Variants in MSR1 observed in about 807,000 individuals in gnomAD.
MSR1 encodes the protein macrophage scavenger receptor 1.
A neutral mutation model predicts 47.2 loss-of-function variants in MSR1; 53 were observed. The ratio of observed to expected loss-of-function variants is 1.12; its 90% CI spans 0.90 to 1.41. The LOEUF is 1.41. MSR1 is among the 40% of genes most tolerant of loss of function. MSR1 has a pLI of 0.00. For missense variants in MSR1, 786 were observed against 546.9 expected, an observed-to-expected ratio of 1.44 and a Z score of -4.36; for synonymous variants, 239 against 185.6, an observed-to-expected ratio of 1.29 and a Z score of -2.34.
intron 8 of MSR1, among the ~76,000 whole-genome samples, chr8:16,141,316 C>A (rs1006258770): frequency 1.4e-4 from 22 of 152,196 alleles, no homozygotes; most frequent in Admixed American, 1.2e-3. Context: ...AGTATTCCCA[C>A]AAGATTACAT....
At position 16,189,453 on chromosome 8, in the gene MSR1, T is replaced by A. The variant is rs1208156871; in HGVS notation, c.-5+3145A>T. Among the ~76,000 whole-genome samples the A allele has an allele frequency of 3.9e-4, 19 of 49,236 alleles. 3 individuals carry two copies. Among genetic ancestry groups the A allele is most frequent in the Middle Eastern group, 0.019 (1 of 54 alleles). The allele number at this position is 49,236 out of a possible 152,430, so 32.3% of individuals were successfully genotyped here. On this transcript the variant is annotated intron_variant, in intron 1 of 9. Coordinates refer to ENST00000262101, the MANE Select transcript of MSR1 (RefSeq NM_138715.3). ...AATCATATTTTATATATATAAAATCTTATTTTATATATATTTTATATATTT... is the reference window on the plus strand; with the variant it reads ...AATCATATTTTATATATATAAAATCATATTTTATATATATTTTATATATTT...
At chr8:16,120,800 A>T in intron 8 of MSR1, 194 bp from the exon 9 acceptor site, 2 of 697,846 alleles carry the variant, frequency 2.9e-6, no homozygotes. Flanking sequence ...CAAATATTGC[A>T]GCTTTAACAG....
intron 8 of MSR1, among the ~76,000 whole-genome samples, chr8:16,123,856 C>A: frequency 6.6e-6 from 1 of 152,214 alleles, no homozygotes. Context: ...GACCCAAGAC[C>A]CGAATCTGCT....
intron 8 of MSR1, among the ~76,000 whole-genome samples, chr8:16,143,077 T>C (rs34638859): frequency 9.7e-4 from 147 of 152,282 alleles, no homozygotes; most frequent in African/African-American, 3.3e-3. Flanking sequence ...TATTCTGTTG[T>C]AGGTTTAAAG....
Position 16,168,654 on chromosome 8 carries a change from C to A in MSR1, c.434G>T (p.Ser145Ile), listed in dbSNP as rs781513151. Reference protein sequence around the residue: ...LMDTEHFQNFSMTTDQRFNDI... With the variant: ...LMDTEHFQNFIMTTDQRFNDI... ...ATTAAATCTTTGATCAGTTGTCATG[C>A]TGAAATTTTGGAAATGCTCTGTGTC... is the stretch of plus-strand genomic sequence containing the variant. The change falls in exon 4 of 10, where the codon AGC (serine) becomes ATC (isoleucine). Residue 145 changes from serine to isoleucine, a missense_variant. By Grantham distance (142) the Ser-to-Ile change is moderately radical. Transcript: ENST00000262101. The A allele has an allele frequency of 1.9e-6, 3 of 1,614,002 alleles. No homozygotes were observed. The highest frequency in any genetic ancestry group is 4.5e-5 in the East Asian group (2 of 44,882).
intron 9 of MSR1, among the ~76,000 whole-genome samples, chr8:16,119,768 C>T (rs1048684757): frequency 2.0e-5 from 3 of 151,582 alleles, no homozygotes; most frequent in Non-Finnish European, 4.4e-5. Context: ...AGTGCAGCAG[C>T]GTGACCATAG....
At chr8:16,150,908 T>C (rs1800840698) in intron 6 of MSR1, among the ~76,000 whole-genome samples, 1 of 151,266 alleles carries the variant, frequency 6.6e-6, no homozygotes, top group Non-Finnish European at 1.5e-5. Context: ...GATTTACTTA[T>C]GAGTATGTAC....
intron 3 of MSR1, 99 bp from the exon 4 acceptor site, chr8:16,168,969 C>A: frequency 8.1e-7 from 1 of 1,238,358 alleles, no homozygotes; most frequent in Non-Finnish European, 1.2e-6. Flanking sequence ...TTATTCCATT[C>A]CATTCCAACA....
intron 1 of MSR1, among the ~76,000 whole-genome samples, chr8:16,181,807 A>G (rs1245583453): frequency 2.6e-5 from 4 of 152,194 alleles, no homozygotes; most frequent in Non-Finnish European, 5.9e-5. Context: ...ATTTAAAAAA[A>G]AAAAAGAAAA....
intron 1 of MSR1, among the ~76,000 whole-genome samples, chr8:16,183,536 C>A (rs979717519): frequency 7.0e-6 from 1 of 143,420 alleles, no homozygotes; most frequent in East Asian, 2.0e-4. Context: ...ACATGTAATA[C>A]ATATTTATAT....
intron 1 of MSR1, among the ~76,000 whole-genome samples, chr8:16,181,890 AG>A (rs373034546): frequency 7.9e-5 from 12 of 152,310 alleles, no homozygotes; most frequent in African/African-American, 2.4e-4. Flanking sequence ...AGTTTGTAAA[AG>A]ATGGATTCGC....
intron 7 of MSR1, 60 bp from the exon 8 acceptor site, chr8:16,143,671 A>G: frequency 2.4e-6 from 3 of 1,258,864 alleles, no homozygotes; most frequent in East Asian, 2.3e-5. Flanking sequence ...GTTTGCTTTA[A>G]CTGGAGACAG....
chr8:16,181,113 A>C (rs906127888), intron 1 of MSR1, among the ~76,000 whole-genome samples: 1 of 152,202 alleles, frequency 6.6e-6, no homozygotes, highest in South Asian at 2.1e-4. Flanking sequence ...ATGAACAAAA[A>C]AACCAAATAA....
intron 8 of MSR1, among the ~76,000 whole-genome samples, chr8:16,142,643 T>C (rs1164684453): frequency 6.6e-6 from 1 of 152,168 alleles, no homozygotes; most frequent in Non-Finnish European, 1.5e-5. Flanking sequence ...GTAGGGCAGA[T>C]AAATTGCTAC....
chr8:16,133,192 C>G (rs965515971), intron 8 of MSR1, among the ~76,000 whole-genome samples: 1 of 152,156 alleles, frequency 6.6e-6, no homozygotes, highest in African/African-American at 2.4e-5. Flanking sequence ...TAAGCTCCAT[C>G]AAGTTCAAGA....
At chr8:16,141,272 A>G (rs749070901) in intron 8 of MSR1, among the ~76,000 whole-genome samples, 2 of 152,048 alleles carry the variant, frequency 1.3e-5, no homozygotes, top group African/African-American at 2.4e-5. Flanking sequence ...CCTTTGAACC[A>G]TTGATTCTAC....
At chr8:16,180,101 T>A (rs918222044) in intron 1 of MSR1, among the ~76,000 whole-genome samples, 4 of 94,268 alleles carry the variant, frequency 4.2e-5, no homozygotes, top group Non-Finnish European at 5.8e-5. Context: ...TCTTTCTCTC[T>A]GTCTGTCTCT....
intron 9 of MSR1, among the ~76,000 whole-genome samples, chr8:16,113,638 G>C (rs1303653553): frequency 6.6e-6 from 1 of 152,092 alleles, no homozygotes; most frequent in Non-Finnish European, 1.5e-5. Flanking sequence ...AGTTTGGATT[G>C]TAGTTTTGTG....
At chr8:16,178,222 T>C (rs1801716891) in intron 1 of MSR1, among the ~76,000 whole-genome samples, 1 of 151,848 alleles carries the variant, frequency 6.6e-6, no homozygotes, top group Non-Finnish European at 1.5e-5. Flanking sequence ...CATCTAACAC[T>C]AGGTATATCT....
Sources: allele counts gnomAD v4.1 joint callset (sites outside exome capture counted in the v4.1 genomes callset), GRCh38; gene constraint gnomAD v4.1.1; transcripts MANE v1.5; gene names NCBI Gene and HGNC (gene_info 2026-07-23, HGNC 2026-07-21).